The following IDUA variants were observed in gnomAD, a reference collection of about 807,000 sequenced individuals.
IDUA encodes iduronidase alpha-L-.
IDUA carries 65 observed loss-of-function variants against 68.9 expected under a neutral mutation model. The observed-to-expected ratio is 0.94, with a 90% confidence interval of 0.77 to 1.16. The LOEUF (loss-of-function observed/expected upper bound fraction) is 1.16. Among genes scored for constraint, IDUA ranks in the 50% most tolerant of loss-of-function variants. The probability of loss-of-function intolerance (pLI) is 0.00; values close to 1 mark genes in which losing one functional copy is unlikely to be tolerated. For missense variants in IDUA, 1,046 were observed against 938.0 expected (o/e 1.12, Z -1.50); for synonymous variants, 529 against 433.6 (o/e 1.22, Z -2.73).
chr4:991,767 C>G, intron 2 of IDUA: 2 of 1,527,752 alleles, frequency 1.3e-6, no homozygotes, highest in South Asian at 1.2e-5. Context: ...CAGGAGCCCC[C>G]GGATCCAGGG....
In IDUA at chr4:990,319, A is replaced by AG. The variant is rs1319536165; in HGVS notation, c.299+2372dup. The AG allele has an allele frequency of 3.1e-6, 5 of 1,604,836 alleles. No individual in the cohort carries two copies. The Admixed American group carries it at 8.5e-5, about 27-fold the overall frequency. On this transcript the variant is annotated intron_variant, in intron 2 of 13. Coordinates refer to ENST00000514224, the MANE Select transcript of IDUA (RefSeq NM_000203.5). ...AAAGCCATCGAGCAGTGGCTGTGAG[A>AG]GGTAGGCGGACACGAAGCCCAGCCG...
chr4:991,738 C>A, intron 2 of IDUA: 1 of 1,527,260 alleles, frequency 6.5e-7, no homozygotes. Context: ...GACCTGCGGC[C>A]GAGAAGAGGG....
intron 2 of IDUA, 33 bp from the exon 3 acceptor site, chr4:1,000,579 C>G: frequency 6.4e-7 from 1 of 1,557,590 alleles, no homozygotes; most frequent in South Asian, 1.1e-5. Flanking sequence ...TGTGTGGGCA[C>G]CCTGCTTCCT....
At chr4:988,434 G>A in intron 2 of IDUA, 1 of 1,065,082 alleles carries the variant, frequency 9.4e-7, no homozygotes, top group Non-Finnish European at 1.1e-6. Context: ...GCTCCTACCA[G>A]CAGGGTGGGC....
chr4:987,143 C>T lies in IDUA; in HGVS notation c.59C>T (p.Ala20Val), dbSNP rs1713787159. The T allele has an allele frequency of 1.4e-6, 2 of 1,419,142 alleles. No individual in the cohort carries two copies. The highest frequency in any genetic ancestry group is 1.8e-6 in the Non-Finnish European group (2 of 1,092,590). The allele number at this position is 1,419,142 out of a possible 1,614,324, so 87.9% of individuals were successfully genotyped here. ...LLALLASLLA[A>V]PPVAPAEAPH... Reference sequence around the variant, plus strand: ...GCGCTCCTGGCCTCGCTCCTGGCCGCGCCCCCGGTGGCCCCGGCCGAGGCC... The same window carrying T: ...GCGCTCCTGGCCTCGCTCCTGGCCGTGCCCCCGGTGGCCCCGGCCGAGGCC... The change falls in exon 1 of 14, where the codon GCG becomes GTG. Residue 20 changes from alanine to valine, a missense_variant. Transcript: ENST00000514224.
intron 2 of IDUA, chr4:990,285 C>G (rs375888392): frequency 1.9e-6 from 3 of 1,602,380 alleles, no homozygotes; most frequent in South Asian, 1.1e-5. Context: ...TCACGGAGGC[C>G]CCCATGGCAA....
At chr4:989,422 T>C in intron 2 of IDUA, 1 of 1,556,444 alleles carries the variant, frequency 6.4e-7, no homozygotes, top group Non-Finnish European at 8.7e-7. Flanking sequence ...GCGTGGGCGT[T>C]GGGTGCGGCC....
intron 2 of IDUA, chr4:989,019 C>T (rs1264152153): frequency 6.3e-7 from 1 of 1,586,744 alleles, no homozygotes; most frequent in East Asian, 2.3e-5. Flanking sequence ...GGCTGATGCC[C>T]AGGGCCCCGT....
At chr4:1,003,498 G>A (rs1230636532) in intron 11 of IDUA, 28 bp downstream of exon 11, 1 of 1,595,960 alleles carries the variant, frequency 6.3e-7, no homozygotes, top group Admixed American at 1.7e-5. Context: ...AACCCGCGCC[G>A]CGGCCCGGAC....
chr4:995,632 C>T (rs1714702174), intron 2 of IDUA, among the ~76,000 whole-genome samples: 1 of 152,228 alleles, frequency 6.6e-6, no homozygotes, highest in African/African-American at 2.4e-5. Flanking sequence ...GGGATTGAAG[C>T]CGAGGGTCTC....
At chr4:998,088 A>T (rs1329701432) in intron 2 of IDUA, among the ~76,000 whole-genome samples, 3 of 151,964 alleles carry the variant, frequency 2.0e-5, no homozygotes, top group Non-Finnish European at 2.9e-5. Flanking sequence ...CTTAAGTTAT[A>T]CTTCTTTGCT....
At chr4:1,003,885 G>C in intron 12 of IDUA, 127 bp from the exon 13 acceptor site, 2 of 895,616 alleles carry the variant, frequency 2.2e-6, no homozygotes, top group Non-Finnish European at 3.8e-6. Context: ...GAGTGCCCAG[G>C]GGCTGGGGAG....
chr4:1,004,429 G>C lies in IDUA; in HGVS notation c.*36G>C. On this transcript the variant is annotated 3_prime_UTR_variant, in exon 14 of 14. Transcript: ENST00000514224. The surrounding 1 kb of genome is among the most constrained non-coding windows in gnomAD (Gnocchi z 5.0). ...AGCCCCAGTGGGTTGCACCTCCACC[G>C]GCAGTCAGCGAGCTGGGGCTGCACT... The C allele has an allele frequency of 6.2e-7, 1 of 1,605,978 alleles. No individual in the cohort carries two copies. The highest frequency in any genetic ancestry group is 8.5e-7 in the Non-Finnish European group (1 of 1,179,164).
chr4:1,003,193 G>C (rs1577543363), intron 10 of IDUA, 36 bp downstream of exon 10: 15 of 1,314,640 alleles, frequency 1.1e-5, no homozygotes, highest in Non-Finnish European at 1.3e-5. Context: ...GGCCGGGCCG[G>C]GCCGGGGTCC....
intron 4 of IDUA, 45 bp downstream of exon 4, chr4:1,001,034 T>C: frequency 7.2e-7 from 1 of 1,397,122 alleles, no homozygotes; most frequent in Non-Finnish European, 1.0e-6. Context: ...GCGGGGGTAC[T>C]CCTGGGCAGG....
rs1275815013 is a variant in IDUA at position 1,002,759 on chromosome 4, C to T, written c.1217C>T (p.Ser406Leu). The T allele has an allele frequency of 6.7e-7, 1 of 1,483,362 alleles. No homozygotes were observed. The highest frequency in any genetic ancestry group is 1.5e-5 in the African/African-American group (1 of 68,246). The allele number at this position is 1,483,362 out of a possible 1,614,324, so 91.9% of individuals were successfully genotyped here. ...LDEEQLWAEV[S>L]QAGTVLDSNH... ...GAGGAGCAGCTCTGGGCCGAAGTGTCGCAGGCCGGGACCGTCCTGGACAGC... is the reference window on the plus strand; with the variant it reads ...GAGGAGCAGCTCTGGGCCGAAGTGTTGCAGGCCGGGACCGTCCTGGACAGC... Residue 406 changes from serine (S) to leucine (L), a missense_variant, in exon 9 of 14, where the codon TCG (serine) becomes TTG (leucine). Ser to Leu is a moderately radical substitution (Grantham distance 145, BLOSUM62 -2). Coordinates refer to ENST00000514224, the MANE Select transcript of IDUA (RefSeq NM_000203.5).
At position 1,004,524 on chromosome 4, in the gene IDUA, T is replaced by G; in HGVS notation, c.*131T>G. The G allele has an allele frequency of 1.0e-6, 1 of 981,454 alleles. No individual in the cohort carries two copies. Among genetic ancestry groups the G allele is most frequent in the Non-Finnish European group, 1.5e-6 (1 of 679,396 alleles). 60.8% of individuals were successfully genotyped at this position (981,454 alleles called of 1,614,324 possible). ...ATATTTTATTATTTTCTTTTATATC[T>G]TGGTACCAACGCCCCCTTTAAAGCG... On this transcript the variant is annotated 3_prime_UTR_variant, in exon 14 of 14. Transcript: ENST00000514224. The surrounding 1 kb of genome is among the most constrained non-coding windows in gnomAD (Gnocchi z 5.0).
chr4:988,827 G>C, intron 2 of IDUA: 1 of 1,578,184 alleles, frequency 6.3e-7, no homozygotes, highest in Non-Finnish European at 8.6e-7. Context: ...GGCAGGCCTG[G>C]CCCTGCTACA....
At chr4:1,001,174 G>A in intron 4 of IDUA, 185 bp downstream of exon 4, 1 of 625,284 alleles carries the variant, frequency 1.6e-6, no homozygotes, top group Non-Finnish European at 2.8e-6. Context: ...GCCCCAGGCT[G>A]GGGGGTACTC....
Sources: gnomAD v4.1 joint callset for allele counts (sites outside exome capture counted in the v4.1 genomes callset) on GRCh38, gnomAD v4.1.1 for gene constraint, Gnocchi (gnomAD v3.1) non-coding constraint, MANE v1.5 for transcripts, NCBI Gene and HGNC (gene_info 2026-07-23, HGNC 2026-07-21) for gene names.